NR2C2: variants seen among roughly 807,000 people sequenced by gnomAD.
NR2C2 encodes nuclear receptor subfamily 2 group C member 2, also known as Nuclear hormone receptor TR4.
In NR2C2, 6 loss-of-function variants were observed where a neutral mutation model predicts 62.9. The observed-to-expected ratio is 0.10, with a 90% CI of 0.05 to 0.19. The LOEUF is 0.19. Among genes scored for constraint, NR2C2 ranks in the 10% least tolerant of loss-of-function variants. The probability of loss-of-function intolerance (pLI) is 1.00; values close to 1 mark genes in which losing one functional copy is unlikely to be tolerated. For missense variants in NR2C2, 479 were observed against 762.7 expected (o/e 0.63, Z 4.38); for synonymous variants, 272 against 273.8 (o/e 0.99, Z 0.07).
intron 1 of NR2C2, among the ~76,000 whole-genome samples, chr3:14,967,516 T>C (rs962066566): frequency 6.6e-6 from 1 of 152,060 alleles, no homozygotes; most frequent in African/African-American, 2.4e-5. Flanking sequence ...ATGAAATGAC[T>C]GTGAAATTTG....
intron 1 of NR2C2, among the ~76,000 whole-genome samples, chr3:14,965,522 C>CAAAAAAA (rs545143806): frequency 2.4e-4 from 19 of 79,648 alleles, no homozygotes; most frequent in East Asian, 9.6e-4. Context: ...TTTCCCATGG[C>CAAAAAAA]AAAAAAAAAA....
At chr3:15,007,328 C>T (rs1053369328) in intron 2 of NR2C2, among the ~76,000 whole-genome samples, 4 of 151,376 alleles carry the variant, frequency 2.6e-5, no homozygotes, top group Non-Finnish European at 5.9e-5. Context: ...GGGGTTTCAC[C>T]ATGTTAGACA....
At chr3:15,016,932 T>A (rs760664775) in intron 4 of NR2C2, among the ~76,000 whole-genome samples, 3 of 152,174 alleles carry the variant, frequency 2.0e-5, no homozygotes, top group Admixed American at 6.5e-5. Context: ...CTGGCCTGCT[T>A]GTACTGGGGA....
intron 8 of NR2C2, among the ~76,000 whole-genome samples, chr3:15,029,663 T>C (rs964422791): frequency 1.1e-4 from 16 of 152,080 alleles, no homozygotes; most frequent in Admixed American, 2.0e-4. Context: ...TTGTGAAAAA[T>C]AGAAATTGGG....
chr3:14,955,556 A>G (rs2039499940), intron 1 of NR2C2, among the ~76,000 whole-genome samples: 1 of 152,166 alleles, frequency 6.6e-6, no homozygotes, highest in Non-Finnish European at 1.5e-5. Flanking sequence ...TCCTAGCTCC[A>G]TCGCTTAGTA....
At chr3:14,948,651 C>T (rs999676263) in intron 1 of NR2C2, 1 of 153,076 alleles carries the variant, frequency 6.5e-6, no homozygotes, top group Non-Finnish European at 1.5e-5. Context: ...GGCGCCTGGT[C>T]TTGGGTCAGC....
At position 14,970,477 on chromosome 3, in the gene NR2C2, C is replaced by T. The variant is rs185905596; in HGVS notation, c.-40+22571C>T. On this transcript the variant is annotated intron_variant, in intron 1 of 13. Coordinates refer to ENST00000425241, the MANE Select transcript of NR2C2 (RefSeq NM_001291694.2). ...CTGAAACTCGGTATCCATGTAGCAC[C>T]AGCTACCATTCCCCTCATTCCCCTA... is the stretch of plus-strand genomic sequence containing the variant. Among the ~76,000 whole-genome samples, 4 of 152,240 alleles carry T rather than the reference C, an allele frequency of 2.6e-5. No homozygotes were observed. In the East Asian group the frequency reaches 5.8e-4, roughly 22 times the overall value.
chr3:14,988,956 C>T (rs2040587286), intron 1 of NR2C2, among the ~76,000 whole-genome samples: 1 of 152,192 alleles, frequency 6.6e-6, no homozygotes, highest in Admixed American at 6.5e-5. Flanking sequence ...CAGCCTCCTT[C>T]TCCACCCTAT....
At position 15,039,087 on chromosome 3, in the gene NR2C2, G is replaced by A. The variant is rs202011915; in HGVS notation, c.1511-35G>A. On this transcript the variant is annotated intron_variant, in intron 12 of 13. Coordinates refer to ENST00000425241, the MANE Select transcript of NR2C2 (RefSeq NM_001291694.2). ...CTACAAGTGAGACTTTTCAAATACA[G>A]AGGGAACTGGGGGGGGGTACTTTTC... 44 of 1,484,252 alleles carry A rather than the reference G, an allele frequency of 3.0e-5. No individual in the cohort carries two copies. The African/African-American group carries it at 4.9e-4, about 17-fold the overall frequency. The allele number at this position is 1,484,252 out of a possible 1,614,324, so 91.9% of individuals were successfully genotyped here. A position where few individuals can be genotyped will look rare whatever the true frequency, so the allele number is the denominator to read the frequency against.
intron 12 of NR2C2, 34 bp from the exon 13 acceptor site, chr3:15,039,088 A>G (rs1172266112): frequency 6.8e-7 from 1 of 1,477,402 alleles, no homozygotes; most frequent in Admixed American, 1.7e-5. Context: ...TCAAATACAG[A>G]GGGAACTGGG....
intron 1 of NR2C2, among the ~76,000 whole-genome samples, chr3:14,984,245 A>G (rs1350549151): frequency 2.0e-5 from 3 of 152,134 alleles, no homozygotes; most frequent in Non-Finnish European, 4.4e-5. Context: ...TTGCAATCCT[A>G]GTATTATTTG....
intron 1 of NR2C2, among the ~76,000 whole-genome samples, chr3:14,999,525 A>G (rs549950464): frequency 6.6e-6 from 1 of 152,162 alleles, no homozygotes; most frequent in East Asian, 1.9e-4. Flanking sequence ...TTTAATGATT[A>G]TTTTCTAATT....
intron 4 of NR2C2, among the ~76,000 whole-genome samples, chr3:15,018,454 A>G (rs1044940607): frequency 6.6e-6 from 1 of 152,256 alleles, no homozygotes; most frequent in Non-Finnish European, 1.5e-5. Context: ...AAATACCTTA[A>G]TAGACATTTC....
At chr3:15,039,996 T>TA (rs200651270) in intron 13 of NR2C2, among the ~76,000 whole-genome samples, 361 of 150,562 alleles carry the variant, frequency 2.4e-3, no homozygotes, top group African/African-American at 7.6e-3. Flanking sequence ...TAAAAATATT[T>TA]AAAAAAAAAT....
chr3:14,956,442 T>A (rs1347472477), intron 1 of NR2C2, among the ~76,000 whole-genome samples: 1 of 152,252 alleles, frequency 6.6e-6, no homozygotes, highest in Non-Finnish European at 1.5e-5. Context: ...TATTTTTAAA[T>A]ATTTGTAAGA....
intron 13 of NR2C2, among the ~76,000 whole-genome samples, chr3:15,039,733 C>A (rs754127035): frequency 4.6e-5 from 7 of 152,194 alleles, no homozygotes; most frequent in Non-Finnish European, 8.8e-5. Context: ...TCAAATCTGA[C>A]CCCTATAAAG....
At chr3:14,951,817 G>T (rs1056021755) in intron 1 of NR2C2, among the ~76,000 whole-genome samples, 1 of 151,754 alleles carries the variant, frequency 6.6e-6, no homozygotes, top group East Asian at 1.9e-4. Flanking sequence ...GTGCGATCTC[G>T]GCTCACTGCA....
At chr3:14,967,468 C>T (rs572342392) in intron 1 of NR2C2, among the ~76,000 whole-genome samples, 13 of 151,920 alleles carry the variant, frequency 8.6e-5, no homozygotes, top group South Asian at 8.3e-4. Context: ...AAACCTCATA[C>T]GTTGCTGGTG....
rs568081748 is a variant in NR2C2, at chr3:14,951,373, G to A, written c.-40+3467G>A. ...GCAAATTTTGTTAAGTATACATCAA[G>A]TTTCTACTCGAAAGTGTGGTAAATA... is the stretch of plus-strand genomic sequence containing the variant. On this transcript the variant is annotated intron_variant, in intron 1 of 13. Coordinates refer to ENST00000425241, the MANE Select transcript of NR2C2 (RefSeq NM_001291694.2). Among the ~76,000 whole-genome samples the A allele has an allele frequency of 7.9e-5, 12 of 152,230 alleles. No homozygotes were observed. The South Asian group carries it at 2.5e-3, about 32-fold the overall frequency.
Sources: allele counts gnomAD v4.1 joint callset (sites outside exome capture counted in the v4.1 genomes callset), GRCh38; gene constraint gnomAD v4.1.1; transcripts MANE v1.5; gene names NCBI Gene and HGNC (gene_info 2026-07-23, HGNC 2026-07-21).